BANK1: variants seen among roughly 807,000 people sequenced by gnomAD.
BANK1 encodes B cell scaffold protein with ankyrin repeats 1.
A neutral mutation model predicts 94.5 loss-of-function variants in BANK1; 95 were observed. The ratio of observed to expected loss-of-function variants is 1.00; its 90% CI spans 0.85 to 1.19. BANK1 has a LOEUF of 1.19. BANK1 is among the 50% of genes most tolerant of loss of function. The pLI is 0.00. For missense variants in BANK1, 987 were observed against 932.2 expected (o/e 1.06, Z -0.77); for synonymous variants, 334 against 308.4 (o/e 1.08, Z -0.87).
At chr4:101,943,787 A>AT (rs1203859711) in intron 7 of BANK1, among the ~76,000 whole-genome samples, 1 of 151,906 alleles carries the variant, frequency 6.6e-6, no homozygotes, top group Non-Finnish European at 1.5e-5. Context: ...ATTTCATAGC[A>AT]TTTTGTATTC....
rs1356253688 is a variant in BANK1, at chr4:102,072,218, CTTCCTAATAATTTTTCTT to C, written c.2243-123_2243-106del. 3 of 778,048 alleles carry C rather than the reference CTTCCTAATAATTTTTCTT, an allele frequency of 3.9e-6. No individual in the cohort carries two copies. The East Asian group carries it at 7.8e-5, about 20-fold the overall frequency. 48.2% of individuals were successfully genotyped at this position (778,048 alleles called of 1,614,324 possible). ...TGCCTTTTCGGTATCCCCCTTTTAT[CTTCCTAATAATTTTTCTT>C]TTCACCCATATCTTACCTTTGTAGA... is the stretch of plus-strand genomic sequence containing the variant. On this transcript the variant is annotated intron_variant, in intron 14 of 16. Coordinates refer to ENST00000322953, the MANE Select transcript of BANK1 (RefSeq NM_017935.5).
chr4:101,894,345 G>A (rs1721990342), intron 5 of BANK1, among the ~76,000 whole-genome samples: 2 of 151,938 alleles, frequency 1.3e-5, no homozygotes, highest in South Asian at 2.1e-4. Context: ...TTGAGAAAAC[G>A]ATTTTTCATT....
chr4:101,835,424 T>A (rs941182216), intron 2 of BANK1, among the ~76,000 whole-genome samples: 1 of 152,164 alleles, frequency 6.6e-6, no homozygotes, highest in Admixed American at 6.5e-5. Flanking sequence ...CCATGGCTTA[T>A]TTTCTCATAT....
chr4:102,041,824 TG>T (rs1414889976), intron 10 of BANK1, among the ~76,000 whole-genome samples: 6 of 152,056 alleles, frequency 3.9e-5, no homozygotes, highest in Non-Finnish European at 7.4e-5. Flanking sequence ...AGCATTTATT[TG>T]TTTAACATTT....
intron 10 of BANK1, among the ~76,000 whole-genome samples, chr4:102,039,361 T>C (rs1727630356): frequency 6.6e-6 from 1 of 152,172 alleles, no homozygotes; most frequent in South Asian, 2.1e-4. Flanking sequence ...GCTACCTACA[T>C]ACATCTTTCC....
At chr4:101,909,848 C>A (rs558414744) in intron 6 of BANK1, among the ~76,000 whole-genome samples, 3 of 152,154 alleles carry the variant, frequency 2.0e-5, no homozygotes, top group Non-Finnish European at 4.4e-5. Context: ...ATATAATACA[C>A]ATAATTTTCA....
intron 11 of BANK1, among the ~76,000 whole-genome samples, chr4:102,055,944 T>C (rs1043723028): frequency 2.0e-5 from 3 of 151,744 alleles, no homozygotes; most frequent in African/African-American, 2.4e-5. Context: ...AGGTAATCAC[T>C]TGGGAAAAAA....
chr4:102,042,258 A>C (rs1727727285), intron 10 of BANK1, among the ~76,000 whole-genome samples: 1 of 152,106 alleles, frequency 6.6e-6, no homozygotes, highest in Non-Finnish European at 1.5e-5. Flanking sequence ...GTATAGTCAT[A>C]CATTATATAT....
intron 7 of BANK1, among the ~76,000 whole-genome samples, chr4:101,989,647 T>A (rs1423228664): frequency 6.6e-6 from 1 of 151,798 alleles, no homozygotes; most frequent in African/African-American, 2.4e-5. Context: ...AGCTTTTTTT[T>A]TTCTCTGTCT....
At chr4:101,809,351 G>C (rs1725665843) in intron 1 of BANK1, among the ~76,000 whole-genome samples, 1 of 151,988 alleles carries the variant, frequency 6.6e-6, no homozygotes, top group Admixed American at 6.6e-5. Flanking sequence ...CGGGCAGAAG[G>C]GTTGGAGGGG....
chr4:101,847,574 T>A (rs1727296007), intron 2 of BANK1, among the ~76,000 whole-genome samples: 1 of 152,056 alleles, frequency 6.6e-6, no homozygotes, highest in Non-Finnish European at 1.5e-5. Context: ...TTCTTATGCC[T>A]TTGTCTCCTC....
intron 1 of BANK1, among the ~76,000 whole-genome samples, chr4:101,810,514 A>G (rs1282311777): frequency 6.6e-6 from 1 of 152,240 alleles, no homozygotes; most frequent in Non-Finnish European, 1.5e-5. Flanking sequence ...TGTGAAGAAC[A>G]TATCAATGTT....
chr4:101,902,364 T>C (rs1297986582), intron 6 of BANK1, among the ~76,000 whole-genome samples: 2 of 152,252 alleles, frequency 1.3e-5, no homozygotes, highest in Non-Finnish European at 2.9e-5. Flanking sequence ...ATACTGTTTT[T>C]CTAAAAATGC....
At chr4:102,041,259 A>G (rs1727693813) in intron 10 of BANK1, among the ~76,000 whole-genome samples, 1 of 152,046 alleles carries the variant, frequency 6.6e-6, no homozygotes, top group Non-Finnish European at 1.5e-5. Context: ...TGTTTCAGCT[A>G]ATAGGAACTA....
chr4:101,839,528 A>G (rs1726953149), intron 2 of BANK1, among the ~76,000 whole-genome samples: 1 of 152,128 alleles, frequency 6.6e-6, no homozygotes, highest in Non-Finnish European at 1.5e-5. Flanking sequence ...GAGGAAGCTT[A>G]CTCTTATTCA....
chr4:101,986,875 G>A (rs2851322), intron 7 of BANK1, among the ~76,000 whole-genome samples: 33,119 of 58,216 alleles, frequency 0.57, 8,169 homozygotes, highest in Non-Finnish European at 0.6. Flanking sequence ...ATGTGTGTAT[G>A]TGTGTGTGTG....
At chr4:102,058,058 AT>A (rs1398454682) in intron 11 of BANK1, among the ~76,000 whole-genome samples, 4 of 151,922 alleles carry the variant, frequency 2.6e-5, no homozygotes, top group African/African-American at 9.7e-5. Flanking sequence ...CACAATCTTT[AT>A]TTTTTAAATG....
At chr4:101,797,591 T>C (rs892625590) in intron 1 of BANK1, among the ~76,000 whole-genome samples, 2 of 152,128 alleles carry the variant, frequency 1.3e-5, no homozygotes, top group African/African-American at 2.4e-5. Flanking sequence ...TTTTGTGATA[T>C]AGTAGATTTG....
chr4:102,000,585 G>A (rs1334555517), intron 7 of BANK1, among the ~76,000 whole-genome samples: 1 of 152,112 alleles, frequency 6.6e-6, no homozygotes, highest in South Asian at 2.1e-4. Flanking sequence ...GGTATGGATT[G>A]CTTGCAGATT....
Sources: allele counts gnomAD v4.1 joint callset (sites outside exome capture counted in the v4.1 genomes callset), GRCh38; gene constraint gnomAD v4.1.1; transcripts MANE v1.5; gene names NCBI Gene and HGNC (gene_info 2026-07-23, HGNC 2026-07-21).